TBX5: variants seen among roughly 807,000 people sequenced by gnomAD.
TBX5 encodes the protein T-box transcription factor TBX5.
A neutral mutation model predicts 51.1 loss-of-function variants in TBX5; 8 were observed. The observed-to-expected ratio is 0.16, with a 90% CI of 0.09 to 0.28. The LOEUF (loss-of-function observed/expected upper bound fraction) is 0.28, where lower values mean the gene tolerates loss of function less well. Ranked by LOEUF, TBX5 falls within the 10% of genes least tolerant of loss-of-function variation. The pLI is 1.00. For synonymous variants in TBX5, 302 were observed against 266.4 expected, an observed-to-expected ratio of 1.13 and a Z score of -1.30; for missense variants, 589 against 671.7, an observed-to-expected ratio of 0.88 and a Z score of 1.36.
chr12:114,373,842 T>G lies in TBX5; in HGVS notation c.756-7451A>C, dbSNP rs372428175. 8.5e-5 allele frequency among the ~76,000 whole-genome samples: 13 copies of G among 152,394 alleles called. No individual in the cohort carries two copies. In the South Asian group the frequency reaches 2.7e-3, roughly 32 times the overall value. On this transcript the variant is annotated intron_variant, in intron 7 of 8. Transcript: ENST00000405440. ...GAACAGCCAATATTTTAGTCCAGTC[T>G]TGTAAATTAACCATTTAAACCAGCT...
intron 3 of TBX5, 54 bp from the exon 4 acceptor site, chr12:114,399,686 TA>T: frequency 6.2e-7 from 1 of 1,613,366 alleles, no homozygotes; most frequent in Non-Finnish European, 8.5e-7. Flanking sequence ...GCCAGTATTT[TA>T]AGGCAGCCTC....
intron 6 of TBX5, 79 bp downstream of exon 6, chr12:114,394,662 C>G: frequency 6.3e-7 from 1 of 1,597,480 alleles, no homozygotes; most frequent in African/African-American, 1.3e-5. Flanking sequence ...GAGCAAAGTT[C>G]CAGCAGGAAA....
intron 5 of TBX5, among the ~76,000 whole-genome samples, chr12:114,397,362 A>T (rs1248657956): frequency 6.6e-6 from 1 of 152,202 alleles, no homozygotes; most frequent in Non-Finnish European, 1.5e-5. Flanking sequence ...CCTGTGCAAA[A>T]GCTATGCCTC....
At chr12:114,381,201 T>G (rs1234695617) in intron 7 of TBX5, among the ~76,000 whole-genome samples, 1 of 152,250 alleles carries the variant, frequency 6.6e-6, no homozygotes, top group African/African-American at 2.4e-5. Context: ...AAAAGTTATT[T>G]CTGTGGAATA....
At chr12:114,373,686 T>G (rs1870043775) in intron 7 of TBX5, among the ~76,000 whole-genome samples, 1 of 152,198 alleles carries the variant, frequency 6.6e-6, no homozygotes, top group African/African-American at 2.4e-5. Context: ...CTCAAACTCC[T>G]GACCTTGTGA....
Position 114,385,544 on chromosome 12 carries a change from A to G in TBX5, c.687T>C (p.Asn229=). The G allele has an allele frequency of 6.2e-7, 1 of 1,614,194 alleles. No individual in the cohort carries two copies. The highest frequency in any genetic ancestry group is 1.3e-5 in the African/African-American group (1 of 75,060). The change falls in exon 7 of 9, where the codon AAT becomes AAC. Residue 229 remains asparagine (N), a synonymous_variant. Coordinates refer to ENST00000405440, the MANE Select transcript of TBX5 (RefSeq NM_181486.4). The part of the protein sequence containing the change: ...NHKITQLKIE[N]NPFAKGFRGS... Reference sequence around the variant, plus strand: ...CCCGAAATCCTTTGGCAAAGGGATTATTCTCAATCTTTAATTGCGTGATCT... The same window carrying G: ...CCCGAAATCCTTTGGCAAAGGGATTGTTCTCAATCTTTAATTGCGTGATCT...
chr12:114,405,932 C>G lies in TBX5; in HGVS notation c.-343G>C, dbSNP rs1448354024. ...ACCGGCAACCATATAATCTCAGTGC[C>G]CCGCTCCTCCTTTACACCCCCAGGG... On this transcript the variant is annotated 5_prime_UTR_variant, in exon 1 of 9. Transcript: ENST00000405440. 1.6e-5 allele frequency: 16 copies of G among 985,468 alleles called. No homozygotes were observed. In the South Asian group the frequency reaches 6.1e-4, roughly 38 times the overall value. 61.0% of individuals were successfully genotyped at this position (985,468 alleles called of 1,614,324 possible).
chr12:114,369,805 T>G (rs1337366551), intron 7 of TBX5, among the ~76,000 whole-genome samples: 1 of 151,820 alleles, frequency 6.6e-6, no homozygotes. Context: ...AGCCTGCTCT[T>G]TTTTTAATCA....
At chr12:114,365,884 C>A (rs1426104094) in intron 8 of TBX5, among the ~76,000 whole-genome samples, 1 of 151,116 alleles carries the variant, frequency 6.6e-6, no homozygotes, top group Non-Finnish European at 1.5e-5. Flanking sequence ...TCTTTCTCTG[C>A]ACTCGCCACG....
intron 8 of TBX5, among the ~76,000 whole-genome samples, chr12:114,365,168 A>ATGTGTGTGTG (rs10536626): frequency 4.1e-5 from 6 of 147,484 alleles, no homozygotes; most frequent in East Asian, 4.0e-4. Flanking sequence ...ATCATTTGTG[A>ATGTGTGTGTG]TGTGTGTGTG....
At position 114,355,918 on chromosome 12, in the gene TBX5, G is replaced by A. The variant is rs755849744; in HGVS notation, c.1171C>T (p.Pro391Ser). 6.2e-7 allele frequency: 1 copy of A among 1,613,776 alleles called. No individual in the cohort carries two copies. Among genetic ancestry groups the A allele is most frequent in the South Asian group, 1.1e-5 (1 of 91,080 alleles). ...TTGCAGCTGATGTCCTCTAGGCTGG[G>A]CACAGGCTCGCTGGGGGGCGCAGAG... Reference protein sequence around the residue: ...ASSAPPSEPVPSLEDISCNTW... With the variant: ...ASSAPPSEPVSSLEDISCNTW... The change falls in exon 9 of 9, where the codon CCC becomes TCC. Residue 391 changes from proline (P) to serine (S), a missense_variant. By Grantham distance (74) the Pro-to-Ser change is moderately conservative (BLOSUM62 -1). Around this residue, in one of 7 missense-constraint regions of TBX5, gnomAD observed 348 missense variants for 360.4 expected, o/e 0.97. Transcript: ENST00000405440.
Position 114,366,279 on chromosome 12 carries a change from G to T in TBX5, c.868C>A (p.Gln290Lys). 1 of 1,614,130 alleles carries T rather than the reference G, an allele frequency of 6.2e-7. No individual in the cohort carries two copies. Residue 290 changes from glutamine (Q) to lysine (K), a missense_variant, in exon 8 of 9, where the codon CAA becomes AAA. Physicochemically the swap from Gln to Lys is moderately conservative, Grantham distance 53. This residue lies in a region of TBX5 where 348 missense variants were observed against 360.4 expected (regional missense o/e 0.97). Transcript: ENST00000405440. ...ALSTSSNLGS[Q>K]YQCENGVSGP... ...GAAACACCATTCTCACACTGGTATT[G>T]GGACCCCAAATTGGATGAGGTGGAG...
rs771883815 is a variant in TBX5, at chr12:114,401,912, C to A, written c.156G>T (p.Glu52Asp). ...TTTCATGGAGAAACACTTTGATTCCCTCCATGCCCTGCAAGAAGGAGAAAA... is the reference window on the plus strand; with the variant it reads ...TTTCATGGAGAAACACTTTGATTCCATCCATGCCCTGCAAGAAGGAGAAAA... ...PQAAFTQQGM[E>D]GIKVFLHERE... is the part of the protein sequence containing the mutation. The change falls in exon 3 of 9, where the codon GAG becomes GAT. Residue 52 changes from glutamate (E) to aspartate (D), a missense_variant. Glu to Asp is a conservative substitution (Grantham distance 45). Coordinates refer to ENST00000405440, the MANE Select transcript of TBX5 (RefSeq NM_181486.4). The A allele has an allele frequency of 6.2e-7, 1 of 1,614,176 alleles. No homozygotes were observed. Among genetic ancestry groups the A allele is most frequent in the Admixed American group, 1.7e-5 (1 of 60,024 alleles).
chr12:114,407,781 T>C (rs1872320894), upstream of TBX5: 1 of 985,288 alleles, frequency 1.0e-6, no homozygotes, highest in Non-Finnish European at 1.2e-6. Flanking sequence ...GAGAAACCTA[T>C]TTCCCCCCTC....
intron 6 of TBX5, among the ~76,000 whole-genome samples, chr12:114,393,260 G>A (rs552886810): frequency 2.3e-4 from 31 of 137,016 alleles, no homozygotes; most frequent in African/African-American, 4.2e-4. Context: ...GGTGGGGACT[G>A]TAGCTAAGAA....
rs1868831099 is a variant in TBX5 at position 114,355,497 on chromosome 12, C to A, written c.*35G>T. ...CTCTTTCTCCTCTCTCTCTCTCTTTCTCTAGGAAATGTCTGTTGTGAAGCA... is the reference window on the plus strand; with the variant it reads ...CTCTTTCTCCTCTCTCTCTCTCTTTATCTAGGAAATGTCTGTTGTGAAGCA... On this transcript the variant is annotated 3_prime_UTR_variant, in exon 9 of 9. Transcript: ENST00000405440. The A allele has an allele frequency of 6.2e-7, 1 of 1,610,128 alleles. No homozygotes were observed.
chr12:114,405,380 T>C (rs1872142020), intron 1 of TBX5, among the ~76,000 whole-genome samples: 2 of 152,082 alleles, frequency 1.3e-5, no homozygotes, highest in Admixed American at 1.3e-4. Flanking sequence ...AGCTCTGGGC[T>C]GGCGGAGGCG....
chr12:114,398,944 G>C (rs924684567), intron 4 of TBX5, among the ~76,000 whole-genome samples: 3 of 152,144 alleles, frequency 2.0e-5, no homozygotes, highest in African/African-American at 7.2e-5. Flanking sequence ...TCTTCTTACA[G>C]CCTCTCGCAT....
chr12:114,372,391 G>A (rs2194413), intron 7 of TBX5, among the ~76,000 whole-genome samples: 152,208 of 152,240 alleles, frequency 1, 76,088 homozygotes, highest in Middle Eastern at 1. Flanking sequence ...GGTGACTTCA[G>A]GCTCCTGGGC....
Sources: allele counts gnomAD v4.1 joint callset (sites outside exome capture counted in the v4.1 genomes callset), GRCh38; gene constraint gnomAD v4.1.1; regional missense constraint gnomAD v4.1.1; transcripts MANE v1.5; gene names NCBI Gene and HGNC (gene_info 2026-07-23, HGNC 2026-07-21).